ANO7: variants seen among roughly 807,000 people sequenced by gnomAD.
The protein encoded by ANO7 is anoctamin-7.
In ANO7, 114 loss-of-function variants were observed where a neutral mutation model predicts 115.8. That is an observed-to-expected ratio of 0.98 (90% CI 0.85 to 1.15). The LOEUF is 1.15. Among genes scored for constraint, ANO7 ranks in the 50% most tolerant of loss-of-function variants. ANO7 has a pLI of 0.00. For missense variants in ANO7, 1,302 were observed against 1,201.2 expected (o/e 1.08, Z -1.24); for synonymous variants, 550 against 498.2 (o/e 1.10, Z -1.38).
At chr2:241,210,834 A>T (rs1029820744) in intron 15 of ANO7, among the ~76,000 whole-genome samples, 6 of 145,964 alleles carry the variant, frequency 4.1e-5, no homozygotes, top group Non-Finnish European at 6.0e-5. Flanking sequence ...CCCAGCTGAA[A>T]TTTTTTTTTT....
chr2:241,197,240 C>T (rs564208774), intron 4 of ANO7, among the ~76,000 whole-genome samples: 1 of 152,282 alleles, frequency 6.6e-6, no homozygotes, highest in Non-Finnish European at 1.5e-5. Context: ...CCTGAGATTA[C>T]AGGCACCCAC....
intron 17 of ANO7, among the ~76,000 whole-genome samples, chr2:241,213,200 G>A (rs911805909): frequency 5.4e-5 from 7 of 130,572 alleles, no homozygotes; most frequent in African/African-American, 8.7e-5. Flanking sequence ...GCCTCCTCAT[G>A]GCACACGGCC....
Position 241,195,845 on chromosome 2 carries a change from G to A in ANO7, c.309G>A (p.Gln103=). ...NLRAAGLCVD[Q]QDVQDGNTTV... Reference sequence around the variant, plus strand: ...GTGCGGCTGGGCTGTGTGTAGACCAGGTACGTGGAGGCTGTCATGGGCAGG... The same window carrying A: ...GTGCGGCTGGGCTGTGTGTAGACCAAGTACGTGGAGGCTGTCATGGGCAGG... The change falls in exon 4 of 25, where the codon CAG becomes CAA. Residue 103 remains glutamine, a splice_region_variant and synonymous_variant. Transcript: ENST00000674324. The A allele has an allele frequency of 6.2e-7, 1 of 1,614,208 alleles. No homozygotes were observed. The highest frequency in any genetic ancestry group is 1.1e-5 in the South Asian group (1 of 91,088).
chr2:241,235,473 C>T, the ANO7 span: 13 of 1,600,244 alleles, frequency 8.1e-6, no homozygotes, highest in Non-Finnish European at 1.0e-5. Context: ...ACATGGCCTC[C>T]CGGGAAAGGG....
chr2:241,239,658 C>G, the ANO7 span: 1 of 1,614,186 alleles, frequency 6.2e-7, no homozygotes, highest in Admixed American at 1.7e-5. This position sits in a 1 kb window ranked among gnomAD's most constrained non-coding sequence, Gnocchi z 4.6. Context: ...CAGTCCTTGG[C>G]GCCCTTGAGG....
rs996164948 is a variant in ANO7 at position 241,189,952 on chromosome 2, C to A, written c.-7-105C>A. 11 of 834,682 alleles carry A rather than the reference C, an allele frequency of 1.3e-5. No homozygotes were observed. The East Asian group carries it at 1.4e-4, about 11-fold the overall frequency. The allele number at this position is 834,682 out of a possible 1,614,324, so 51.7% of individuals were successfully genotyped here. A position where few individuals can be genotyped will look rare whatever the true frequency, so the allele number is the denominator to read the frequency against. ...AGCCCAGCCCCATTCTACTCCGAGT[C>A]GAGTCTGTAAAGTGAGCTCACTGCA... On this transcript the variant is annotated intron_variant, in intron 1 of 24. Coordinates refer to ENST00000674324, the MANE Select transcript of ANO7 (RefSeq NM_001370694.2).
the ANO7 span, chr2:241,238,700 T>C: frequency 6.3e-7 from 1 of 1,589,354 alleles, no homozygotes; most frequent in South Asian, 1.1e-5. This position sits in a 1 kb window ranked among gnomAD's most constrained non-coding sequence, Gnocchi z 4.9. Flanking sequence ...AAATCCCGAG[T>C]AATCTGCTGG....
intron 21 of ANO7, among the ~76,000 whole-genome samples, chr2:241,222,006 C>T (rs1297941909): frequency 6.6e-6 from 1 of 151,966 alleles, no homozygotes. Context: ...AGGCCGAGGC[C>T]GGTGGATCAC....
At chr2:241,197,352 G>A (rs537022020) in intron 4 of ANO7, among the ~76,000 whole-genome samples, 140 of 152,126 alleles carry the variant, frequency 9.2e-4, no homozygotes, top group Non-Finnish European at 1.8e-3. Flanking sequence ...CACCCGCCTC[G>A]GCCTCCCAAA....
Position 241,203,498 on chromosome 2 carries a change from G to A in ANO7, c.889G>A (p.Gly297Arg), listed in dbSNP as rs199865723. 1.5e-4 allele frequency: 218 copies of A among 1,498,472 alleles called. 1 individual carries two copies. In the East Asian group the frequency reaches 3.6e-3, roughly 25 times the overall value. The allele number at this position is 1,498,472 out of a possible 1,614,324, so 92.8% of individuals were successfully genotyped here. ...EKVALYFAWL[G>R]FYTGWLLPAA... Reference sequence around the variant, plus strand: ...GGTGGCCCTCTACTTCGCCTGGCTCGGTGAGTCCCCCCCGCTGCCCCCCAG... The same window carrying A: ...GGTGGCCCTCTACTTCGCCTGGCTCAGTGAGTCCCCCCCGCTGCCCCCCAG... The change falls in exon 9 of 25, where the codon GGG becomes AGG. Residue 297 changes from glycine to arginine, a missense_variant and splice_region_variant. Gly to Arg is a moderately radical substitution (Grantham distance 125). Transcript: ENST00000674324. The surrounding 1 kb of genome is among the most constrained non-coding windows in gnomAD (Gnocchi z 4.8).
the ANO7 span, chr2:241,236,449 G>A: frequency 1.4e-6 from 1 of 691,660 alleles, no homozygotes; most frequent in Non-Finnish European, 2.5e-6. Context: ...CAAACTCTGT[G>A]TCCAGCCGAG....
chr2:241,199,260 G>A lies in ANO7; in HGVS notation c.310-56G>A. 6 of 1,451,380 alleles carry A rather than the reference G, an allele frequency of 4.1e-6. No homozygotes were observed. In the South Asian group the frequency reaches 5.7e-5, roughly 14 times the overall value. 89.9% of individuals were successfully genotyped at this position (1,451,380 alleles called of 1,614,324 possible). A position where few individuals can be genotyped will look rare whatever the true frequency, so the allele number is the denominator to read the frequency against. On this transcript the variant is annotated intron_variant, in intron 4 of 24. Coordinates refer to ENST00000674324, the MANE Select transcript of ANO7 (RefSeq NM_001370694.2). ...TAAGAGTGCGAATGGACACACACAT[G>A]TGCATACGTGCACACATGCACCCTC...
At chr2:241,206,672 A>T (rs377068421) in intron 10 of ANO7, among the ~76,000 whole-genome samples, 841 of 16,052 alleles carry the variant, frequency 0.052, 12 homozygotes, top group East Asian at 0.075. Context: ...GCTCCCAGCC[A>T]GACACAGGTG....
chr2:241,239,954 C>T, the ANO7 span: 2 of 1,614,234 alleles, frequency 1.2e-6, no homozygotes, highest in Non-Finnish European at 1.7e-6. This position sits in a 1 kb window ranked among gnomAD's most constrained non-coding sequence, Gnocchi z 4.6. Context: ...ACGGCGTCCT[C>T]CTTTCCAATG....
At position 241,193,226 on chromosome 2, in the gene ANO7, C is replaced by T. The variant is rs184997415; in HGVS notation, c.166+1975C>T. Among the ~76,000 whole-genome samples, 143 of 152,120 alleles carry T rather than the reference C, an allele frequency of 9.4e-4. No homozygotes were observed. In the East Asian group the frequency reaches 0.013, roughly 13 times the overall value. On this transcript the variant is annotated intron_variant, in intron 3 of 24. Coordinates refer to ENST00000674324, the MANE Select transcript of ANO7 (RefSeq NM_001370694.2). ...CTGGGACTACAGGTGCGCCCCACCA[C>T]GCCCGGTTAATTTTTGTGTTTGTAG...
downstream of ANO7, chr2:241,228,582 G>A (rs1559465591): frequency 2.6e-5 from 4 of 152,452 alleles, no homozygotes; most frequent in Non-Finnish European, 5.9e-5. Flanking sequence ...GGTACACGGC[G>A]CCCACCCCCA....
Position 241,217,887 on chromosome 2 carries a change from G to A in ANO7, c.2174G>A (p.Ser725Asn). The part of the protein sequence containing the change: ...LAGLTHLAVI[S>N]NAFLLAFSSD... ...GGCCTCACGCACCTGGCGGTCATCA[G>A]CAACGTGAGGCCCGGGCGGGAGCGC... The change falls in exon 20 of 25, where the codon AGC becomes AAC. Residue 725 changes from serine to asparagine, a missense_variant. Coordinates refer to ENST00000674324, the MANE Select transcript of ANO7 (RefSeq NM_001370694.2). The A allele has an allele frequency of 1.9e-6, 3 of 1,569,208 alleles. No individual in the cohort carries two copies. The highest frequency in any genetic ancestry group is 1.7e-6 in the Non-Finnish European group (2 of 1,163,446).
intron 3 of ANO7, among the ~76,000 whole-genome samples, chr2:241,194,768 T>C (rs995109403): frequency 2.6e-5 from 4 of 152,284 alleles, no homozygotes; most frequent in Non-Finnish European, 4.4e-5. Context: ...CATAGGAATG[T>C]ATATCATAGG....
intron 17 of ANO7, chr2:241,212,942 G>C (rs1331920696): frequency 1.1e-5 from 4 of 358,646 alleles, no homozygotes; most frequent in Non-Finnish European, 2.1e-5. Context: ...AGACCAGCTT[G>C]GACAACATAG....
Sources: allele counts gnomAD v4.1 joint callset (sites outside exome capture counted in the v4.1 genomes callset), GRCh38; gene constraint gnomAD v4.1.1; non-coding constraint Gnocchi (gnomAD v3.1); transcripts MANE v1.5; gene names NCBI Gene and HGNC (gene_info 2026-07-23, HGNC 2026-07-21).